The following HEMK2 variants were observed in gnomAD, a reference collection of about 807,000 sequenced individuals.
HEMK2 encodes HemK methyltransferase 2, ETF1 glutamine and histone H4 lysine, also known as methyltransferase HEMK2.
the HEMK2 span, among the ~76,000 whole-genome samples, chr21:28,575,824 T>C: frequency 1.1e-3 from 168 of 152,354 alleles, no homozygotes; most frequent in Non-Finnish European, 2.0e-3. Flanking sequence ...ATTTCTGTAA[T>C]GTTACATAAA....
At chr21:28,838,191 T>C in the HEMK2 span, among the ~76,000 whole-genome samples, 284 of 152,258 alleles carry the variant, frequency 1.9e-3, 10 homozygotes, top group South Asian at 0.042. Flanking sequence ...ATTTGTTCTA[T>C]AAAGGCAGCA....
At chr21:28,591,239 G>C in the HEMK2 span, among the ~76,000 whole-genome samples, 1 of 152,186 alleles carries the variant, frequency 6.6e-6, no homozygotes, top group South Asian at 2.1e-4. Flanking sequence ...ACTTTCTTGA[G>C]CAGCAGGCTA....
chr21:28,628,504 T>G, the HEMK2 span, among the ~76,000 whole-genome samples: 1 of 152,154 alleles, frequency 6.6e-6, no homozygotes, highest in Non-Finnish European at 1.5e-5. Flanking sequence ...CAGGCTGGAG[T>G]GCAATGGCAC....
chr21:28,698,704 A>G, the HEMK2 span, among the ~76,000 whole-genome samples: 4 of 152,318 alleles, frequency 2.6e-5, no homozygotes, highest in Admixed American at 2.6e-4. Flanking sequence ...ATCTCCTATG[A>G]ACTGTTTGAG....
the HEMK2 span, among the ~76,000 whole-genome samples, chr21:28,622,387 G>A: frequency 6.6e-6 from 1 of 152,076 alleles, no homozygotes; most frequent in East Asian, 1.9e-4. Flanking sequence ...TCAATATCAT[G>A]AAAATGGCCA....
At chr21:28,583,097 T>C in the HEMK2 span, among the ~76,000 whole-genome samples, 1 of 152,248 alleles carries the variant, frequency 6.6e-6, no homozygotes, top group African/African-American at 2.4e-5. Context: ...GAAGAGTTGC[T>C]ATCTGAATGT....
At chr21:28,659,932 T>G in the HEMK2 span, among the ~76,000 whole-genome samples, 1 of 152,114 alleles carries the variant, frequency 6.6e-6, no homozygotes, top group African/African-American at 2.4e-5. Context: ...TTGGGGAGAA[T>G]TGAAATACTG....
chr21:28,584,395 C>G, the HEMK2 span, among the ~76,000 whole-genome samples: 1 of 152,108 alleles, frequency 6.6e-6, no homozygotes, highest in East Asian at 1.9e-4. Context: ...TAGTTCTGCT[C>G]ATAGCTTCTG....
chr21:28,589,621 C>G, the HEMK2 span, among the ~76,000 whole-genome samples: 3 of 151,724 alleles, frequency 2.0e-5, no homozygotes, highest in East Asian at 1.9e-4. Context: ...CAGTTTTGGC[C>G]CAGGAGGTTA....
chr21:28,635,194 C>T, the HEMK2 span, among the ~76,000 whole-genome samples: 3 of 151,704 alleles, frequency 2.0e-5, no homozygotes, highest in Non-Finnish European at 2.9e-5. Flanking sequence ...CTCCACCTTC[C>T]GGTTTCAAGT....
chr21:28,584,718 G>A, the HEMK2 span, among the ~76,000 whole-genome samples: 39 of 152,178 alleles, frequency 2.6e-4, no homozygotes, highest in African/African-American at 8.2e-4. Context: ...GGACTTGGGC[G>A]GAGTAGGAAA....
the HEMK2 span, among the ~76,000 whole-genome samples, chr21:28,757,118 C>T: frequency 2.6e-5 from 4 of 152,050 alleles, no homozygotes; most frequent in Admixed American, 6.6e-5. Context: ...GATGCTACAC[C>T]GTACAGTATT....
the HEMK2 span, among the ~76,000 whole-genome samples, chr21:28,601,009 C>G: frequency 6.6e-6 from 1 of 152,198 alleles, no homozygotes; most frequent in Non-Finnish European, 1.5e-5. Flanking sequence ...TTGGAGTTAT[C>G]CTTTACTCAG....
At chr21:28,780,182 AT>A in the HEMK2 span, among the ~76,000 whole-genome samples, 118 of 146,438 alleles carry the variant, frequency 8.1e-4, no homozygotes, top group Non-Finnish European at 7.1e-4. Context: ...GACCTAAACA[AT>A]TTTTTTTTTT....
chr21:28,854,850 C>G, the HEMK2 span, among the ~76,000 whole-genome samples: 1 of 152,176 alleles, frequency 6.6e-6, no homozygotes, highest in African/African-American at 2.4e-5. Flanking sequence ...TTTGGCAACA[C>G]CCTCACAGAC....
chr21:28,659,581 C>G, the HEMK2 span, among the ~76,000 whole-genome samples: 1 of 151,988 alleles, frequency 6.6e-6, no homozygotes, highest in Admixed American at 6.6e-5. Context: ...TATTCATATA[C>G]CCTGGACTCA....
At chr21:28,877,221 G>GGAAA in the HEMK2 span, among the ~76,000 whole-genome samples, 1 of 129,214 alleles carries the variant, frequency 7.7e-6, no homozygotes, top group Non-Finnish European at 1.6e-5. Flanking sequence ...GAGAAAGGAA[G>GGAAA]GGAAGGAAGG....
the HEMK2 span, among the ~76,000 whole-genome samples, chr21:28,665,579 G>A: frequency 8.6e-5 from 13 of 151,344 alleles, no homozygotes; most frequent in South Asian, 4.2e-4. Context: ...TAAAAAGTCA[G>A]GCAACAACAG....
At chr21:28,794,303 T>C in the HEMK2 span, among the ~76,000 whole-genome samples, 3 of 152,356 alleles carry the variant, frequency 2.0e-5, no homozygotes, top group African/African-American at 7.2e-5. Flanking sequence ...ATACCTTAAC[T>C]GAAAGACTAA....
Sources: allele counts gnomAD v4.1 joint callset (sites outside exome capture counted in the v4.1 genomes callset), GRCh38; gene constraint gnomAD v4.1.1; transcripts MANE v1.5; gene names NCBI Gene and HGNC (gene_info 2026-07-23, HGNC 2026-07-21).